Variants in MRPS9 observed in about 807,000 individuals in gnomAD.
The protein encoded by MRPS9 is small ribosomal subunit protein uS9m.
In MRPS9, 45 loss-of-function variants were observed where a neutral mutation model predicts 59.9. That is an observed-to-expected ratio of 0.75 (90% confidence interval 0.59 to 0.96). MRPS9 has a LOEUF of 0.96. Among genes scored for constraint, MRPS9 ranks in the 40% least tolerant of loss-of-function variants. The probability of loss-of-function intolerance (pLI) is 0.00; values close to 1 mark genes in which losing one functional copy is unlikely to be tolerated. For missense variants in MRPS9, 473 were observed against 481.1 expected, an observed-to-expected ratio of 0.98 and a Z score of 0.16; for synonymous variants, 171 against 166.8, an observed-to-expected ratio of 1.03 and a Z score of -0.19.
intron 2 of MRPS9, among the ~76,000 whole-genome samples, chr2:105,050,607 A>G (rs1679694595): frequency 6.6e-6 from 1 of 152,228 alleles, no homozygotes; most frequent in African/African-American, 2.4e-5. Flanking sequence ...GATGTTAGAT[A>G]TTACATTTTA....
intron 4 of MRPS9, among the ~76,000 whole-genome samples, chr2:105,075,464 A>G (rs1234136736): frequency 1.3e-5 from 2 of 152,362 alleles, no homozygotes; most frequent in Admixed American, 6.5e-5. Context: ...GCCCAGGCCT[A>G]GAAGGTTTTG....
At chr2:105,038,288 C>G in intron 1 of MRPS9, 61 bp downstream of exon 1, 3 of 1,567,300 alleles carry the variant, frequency 1.9e-6, no homozygotes, top group Non-Finnish European at 1.7e-6. Context: ...GGAGCCAGCG[C>G]GGACACCTTC....
At chr2:105,069,602 T>G (rs1252453296) in intron 2 of MRPS9, among the ~76,000 whole-genome samples, 1 of 152,234 alleles carries the variant, frequency 6.6e-6, no homozygotes, top group Non-Finnish European at 1.5e-5. Context: ...AATTCACTCA[T>G]GTCATATGTG....
At chr2:105,062,382 A>T (rs6735702) in intron 2 of MRPS9, among the ~76,000 whole-genome samples, 30,898 of 152,164 alleles carry the variant, frequency 0.2, 3,228 homozygotes, top group Middle Eastern at 0.35. Context: ...GGTTGTCTTG[A>T]TACTGAGTTA....
chr2:105,093,148 A>G (rs1240186198), intron 8 of MRPS9, among the ~76,000 whole-genome samples: 1 of 152,204 alleles, frequency 6.6e-6, no homozygotes, highest in Non-Finnish European at 1.5e-5. Flanking sequence ...ATTTCATCAT[A>G]CTATTTATAT....
At chr2:105,086,329 G>C (rs763742879) in intron 5 of MRPS9, among the ~76,000 whole-genome samples, 1 of 152,094 alleles carries the variant, frequency 6.6e-6, no homozygotes, top group Non-Finnish European at 1.5e-5. Context: ...TTTTTCATGG[G>C]TTGTTTTCTC....
chr2:105,038,569 G>A (rs71379719), intron 1 of MRPS9: 1 of 216,894 alleles, frequency 4.6e-6, no homozygotes, highest in African/African-American at 2.3e-5. Context: ...TAGGGAGGAG[G>A]AGGGCCGCGC....
At chr2:105,092,181 T>G in intron 7 of MRPS9, 1 of 432,546 alleles carries the variant, frequency 2.3e-6, no homozygotes, top group South Asian at 5.7e-5. Flanking sequence ...GAATGATAAA[T>G]CTCTTTGTTT....
chr2:105,048,391 T>C (rs948218289), intron 1 of MRPS9, among the ~76,000 whole-genome samples: 1 of 151,812 alleles, frequency 6.6e-6, no homozygotes, highest in Admixed American at 6.6e-5. Flanking sequence ...TTAGGAGATA[T>C]ACCTAATGCT....
chr2:105,083,957 C>T (rs992793721), intron 5 of MRPS9, among the ~76,000 whole-genome samples: 2 of 152,118 alleles, frequency 1.3e-5, no homozygotes, highest in Admixed American at 1.3e-4. Context: ...GTAGGCATTA[C>T]TCGCCTTAGA....
intron 4 of MRPS9, among the ~76,000 whole-genome samples, chr2:105,075,286 A>G (rs1050632952): frequency 1.3e-5 from 2 of 152,166 alleles, no homozygotes; most frequent in African/African-American, 4.8e-5. Context: ...CTGTAGAACC[A>G]AGTGCTCTTA....
chr2:105,062,193 C>G (rs557873492), intron 2 of MRPS9, among the ~76,000 whole-genome samples: 2 of 152,164 alleles, frequency 1.3e-5, no homozygotes, highest in Admixed American at 1.3e-4. Flanking sequence ...CCTACTCCTT[C>G]TTGTTTGTAA....
chr2:105,099,236 C>G (rs1431878345), intron 10 of MRPS9: 1 of 153,522 alleles, frequency 6.5e-6, no homozygotes, highest in African/African-American at 2.4e-5. Flanking sequence ...TAAGTACTTT[C>G]TCATACTTCA....
intron 1 of MRPS9, among the ~76,000 whole-genome samples, chr2:105,047,892 C>T (rs1403856615): frequency 2.0e-5 from 3 of 151,784 alleles, no homozygotes; most frequent in Non-Finnish European, 4.4e-5. Flanking sequence ...TGGGTATATA[C>T]CCAGTAATGG....
intron 4 of MRPS9, among the ~76,000 whole-genome samples, chr2:105,076,011 T>C (rs182749853): frequency 3.8e-4 from 57 of 151,184 alleles, no homozygotes; most frequent in Non-Finnish European, 5.9e-4. Flanking sequence ...AAAAAAAAAG[T>C]GTGGCTAAAA....
chr2:105,064,640 G>C (rs1030065817), intron 2 of MRPS9, among the ~76,000 whole-genome samples: 1 of 152,186 alleles, frequency 6.6e-6, no homozygotes. Context: ...TGGCCAGATG[G>C]TGTGGACCTT....
chr2:105,095,710 T>A (rs963555471), intron 9 of MRPS9, among the ~76,000 whole-genome samples: 4 of 152,018 alleles, frequency 2.6e-5, no homozygotes, highest in African/African-American at 9.7e-5. Flanking sequence ...TTGGTCAGAC[T>A]GGTCTCAAAC....
chr2:105,079,918 A>G, intron 4 of MRPS9, 65 bp from the exon 5 acceptor site: 2 of 1,079,744 alleles, frequency 1.9e-6, no homozygotes, highest in Non-Finnish European at 2.8e-6. Flanking sequence ...CTGTGGTTAA[A>G]TGCAGCTATT....
Position 105,038,187 on chromosome 2 carries a change from A to G in MRPS9, c.95A>G (p.Lys32Arg), listed in dbSNP as rs758766997. 9.9e-6 allele frequency: 16 copies of G among 1,613,354 alleles called. No homozygotes were observed. The South Asian group carries it at 1.5e-4, about 16-fold the overall frequency. The change falls in exon 1 of 11, where the codon AAA (lysine) becomes AGA (arginine). Residue 32 changes from lysine to arginine, a missense_variant. By Grantham distance (26) the Lys-to-Arg change is conservative. Coordinates refer to ENST00000258455, the MANE Select transcript of MRPS9 (RefSeq NM_182640.3). The stretch of plus-strand genomic sequence containing the variant: ...CTCGCCCGGAAGCAAGGCCTCTGGA[A>G]AACCGCGGCCCCTGAGTTGCAAACA... ...GSLARKQGLW[K>R]TAAPELQTNV...
Sources: gnomAD v4.1 joint callset for allele counts (sites outside exome capture counted in the v4.1 genomes callset) on GRCh38, gnomAD v4.1.1 for gene constraint, MANE v1.5 for transcripts, NCBI Gene and HGNC (gene_info 2026-07-23, HGNC 2026-07-21) for gene names.